Variants in PHF3 observed in about 807,000 individuals in gnomAD.
PHF3 encodes the protein PHD finger protein 3.
Under a neutral mutation model 178.4 loss-of-function variants are expected in PHF3, and 41 were observed. That is an observed-to-expected ratio of 0.23 (90% CI 0.18 to 0.30). PHF3 has a LOEUF of 0.30. PHF3 is among the 10% of genes least tolerant of loss of function. PHF3 has a pLI of 1.00. For missense variants in PHF3, 2,346 were observed against 2,398.1 expected (o/e 0.98, Z 0.45); for synonymous variants, 842 against 800.5 (o/e 1.05, Z -0.88).
In PHF3 at chr6:63,715,877, C is replaced by T. The variant is rs749523079; in HGVS notation, c.*2169C>T. ...CCAAAGCCATTCTCAGTCCCAGGTA[C>T]AACCAGCCTTACACAAACTAGTGAA... On this transcript the variant is annotated 3_prime_UTR_variant, in exon 16 of 16. Coordinates refer to ENST00000262043, the MANE Select transcript of PHF3 (RefSeq NM_001370348.2). Among the ~76,000 whole-genome samples, 10 of 152,122 alleles carry T rather than the reference C, an allele frequency of 6.6e-5. No individual in the cohort carries two copies. Among genetic ancestry groups the T allele is most frequent in the Non-Finnish European group, 1.3e-4 (9 of 68,012 alleles).
intron 2 of PHF3, among the ~76,000 whole-genome samples, chr6:63,665,784 T>A (rs935043169): frequency 1.3e-5 from 2 of 152,180 alleles, no homozygotes; most frequent in African/African-American, 4.8e-5. Flanking sequence ...CTGCTGCACC[T>A]GGCCTAAAAT....
At position 63,724,814 on chromosome 6, in the gene PHF3, G is replaced by A. The variant is rs1456124544; in HGVS notation, c.*11106G>A. Among the ~76,000 whole-genome samples, 2 of 151,996 alleles carry A rather than the reference G, an allele frequency of 1.3e-5. No homozygotes were observed. The highest frequency in any genetic ancestry group is 2.4e-5 in the African/African-American group (1 of 41,386). On this transcript the variant is annotated 3_prime_UTR_variant, in exon 16 of 16. Transcript: ENST00000262043. ...TTTTCAATATGTGAAAACCACATTG[G>A]CTGCTTTTATTAAAATTTTTGGATT...
chr6:63,711,801 G>C lies in PHF3; in HGVS notation c.4213G>C (p.Val1405Leu), dbSNP rs1298526645. ...TGACTTTTTTAATTCTTTTACAACT[G>C]TATTACACAAGCAGAGAAATAAACC... ...ENDFFNSFTT[V>L]LHKQRNKPQQ... The change falls in exon 16 of 16, where the codon GTA becomes CTA. Residue 1405 changes from valine to leucine, a missense_variant. Physicochemically the swap from Val to Leu is conservative, Grantham distance 32 (BLOSUM62 1). Coordinates refer to ENST00000262043, the MANE Select transcript of PHF3 (RefSeq NM_001370348.2). 1 of 1,613,790 alleles carries C rather than the reference G, an allele frequency of 6.2e-7. No homozygotes were observed. Among genetic ancestry groups the C allele is most frequent in the Non-Finnish European group, 8.5e-7 (1 of 1,179,818 alleles).
Position 63,721,565 on chromosome 6 carries a change from A to G in PHF3, c.*7857A>G. The G allele has an allele frequency of 6.4e-7, 1 of 1,551,806 alleles. No homozygotes were observed. Among genetic ancestry groups the G allele is most frequent in the Non-Finnish European group, 8.7e-7 (1 of 1,146,898 alleles). ...GATTTAAAGAAGATACTCCTCCAATATAGAAGTCTGTATTTGTGTCCAGAG... is the reference window on the plus strand; with the variant it reads ...GATTTAAAGAAGATACTCCTCCAATGTAGAAGTCTGTATTTGTGTCCAGAG... On this transcript the variant is annotated 3_prime_UTR_variant, in exon 16 of 16. Coordinates refer to ENST00000262043, the MANE Select transcript of PHF3 (RefSeq NM_001370348.2).
At chr6:63,652,816 C>T (rs1274319913) in intron 2 of PHF3, among the ~76,000 whole-genome samples, 5 of 151,940 alleles carry the variant, frequency 3.3e-5, no homozygotes, top group Non-Finnish European at 7.4e-5. Flanking sequence ...TGTTTTGGTG[C>T]CTTTGTTGAA....
intron 2 of PHF3, among the ~76,000 whole-genome samples, chr6:63,664,475 G>A (rs1186555073): frequency 2.0e-5 from 3 of 152,044 alleles, no homozygotes; most frequent in African/African-American, 7.2e-5. Context: ...GATTGTGTAA[G>A]TTTATATATA....
intron 2 of PHF3, among the ~76,000 whole-genome samples, chr6:63,670,534 A>G (rs904736449): frequency 1.3e-5 from 2 of 151,534 alleles, no homozygotes; most frequent in Non-Finnish European, 2.9e-5. Context: ...GATCCGCCCA[A>G]CTCGGCCTCC....
intron 2 of PHF3, among the ~76,000 whole-genome samples, chr6:63,647,484 A>G (rs969768519): frequency 2.6e-5 from 4 of 152,130 alleles, no homozygotes; most frequent in Admixed American, 2.0e-4. Context: ...CAATTTTTTT[A>G]TGTTGCTTAT....
At chr6:63,640,115 A>C (rs532658773) in intron 1 of PHF3, among the ~76,000 whole-genome samples, 1 of 152,314 alleles carries the variant, frequency 6.6e-6, no homozygotes, top group East Asian at 1.9e-4. Flanking sequence ...TGCTTTCTAT[A>C]ATGATGTCTT....
intron 2 of PHF3, among the ~76,000 whole-genome samples, chr6:63,672,355 T>C (rs1765955446): frequency 1.3e-5 from 2 of 152,176 alleles, no homozygotes; most frequent in South Asian, 4.1e-4. Context: ...TATGTCACCA[T>C]AGATTTTCTA....
chr6:63,711,341 C>T lies in PHF3; in HGVS notation c.3976C>T (p.Leu1326Phe). 6.2e-7 allele frequency: 1 copy of T among 1,609,472 alleles called. No homozygotes were observed. The highest frequency in any genetic ancestry group is 8.5e-7 in the Non-Finnish European group (1 of 1,178,346). ...LGATDKIPHP[L>F]VPFDGPGLEL... ...TGCCACAGATAAAATTCCACACCCT[C>T]TTGTGCCTTTTGATGGACCTGGTAG... Residue 1326 changes from leucine (L) to phenylalanine (F), a missense_variant, in exon 15 of 16, where the codon CTT becomes TTT. By Grantham distance (22) the Leu-to-Phe change is conservative. Around this residue, in one of 8 missense-constraint regions of PHF3, gnomAD observed 90 missense variants for 136.6 expected, o/e 0.66. Transcript: ENST00000262043.
intron 6 of PHF3, among the ~76,000 whole-genome samples, chr6:63,697,115 T>G (rs1582097861): frequency 6.6e-6 from 1 of 152,008 alleles, no homozygotes; most frequent in East Asian, 1.9e-4. Context: ...ATAGTGTAGG[T>G]GTGAAACTCG....
chr6:63,661,831 A>T (rs1291522547), intron 2 of PHF3, among the ~76,000 whole-genome samples: 1 of 152,178 alleles, frequency 6.6e-6, no homozygotes, highest in Non-Finnish European at 1.5e-5. Flanking sequence ...ATGAGATTGC[A>T]TAAATTTAGG....
chr6:63,653,107 G>A (rs1162485620), intron 2 of PHF3, among the ~76,000 whole-genome samples: 1 of 129,820 alleles, frequency 7.7e-6, no homozygotes, highest in African/African-American at 3.0e-5. Flanking sequence ...TAATGTTACT[G>A]GTATTTTGGT....
chr6:63,693,566 G>A (rs1278080452), intron 5 of PHF3, among the ~76,000 whole-genome samples: 1 of 152,206 alleles, frequency 6.6e-6, no homozygotes, highest in Non-Finnish European at 1.5e-5. Context: ...AGCTGGGATT[G>A]TGCCACTTTA....
At position 63,721,308 on chromosome 6, in the gene PHF3, T is replaced by G. The variant is rs761809527; in HGVS notation, c.*7600T>G. 1 of 1,552,006 alleles carries G rather than the reference T, an allele frequency of 6.4e-7. No homozygotes were observed. Among genetic ancestry groups the G allele is most frequent in the Non-Finnish European group, 8.7e-7 (1 of 1,146,998 alleles). On this transcript the variant is annotated 3_prime_UTR_variant, in exon 16 of 16. Transcript: ENST00000262043. ...ACAGGACACAGACTGGTTACATGTA[T>G]TTCCAGCCCAATCTGGCAAACATCT...
chr6:63,662,038 A>C (rs896978724), intron 2 of PHF3, among the ~76,000 whole-genome samples: 10 of 152,136 alleles, frequency 6.6e-5, no homozygotes, highest in African/African-American at 2.4e-4. Flanking sequence ...CGGTGGCATT[A>C]GATTTTCATA....
Position 63,646,643 on chromosome 6 carries a change from G to T in PHF3, c.92G>T (p.Cys31Phe), listed in dbSNP as rs1217231494. 1.2e-6 allele frequency: 2 copies of T among 1,613,888 alleles called. No individual in the cohort carries two copies. ...GGATCCAACCTGGAGAATGAAGTCT[G>T]TGAGGATTTTAGTGCAAGTCAAAAT... ...FLGSNLENEV[C>F]EDFSASQNVL... Residue 31 changes from cysteine to phenylalanine, a missense_variant, in exon 2 of 16, where the codon TGT becomes TTT. Cys to Phe is a radical substitution (Grantham distance 205). This residue lies in a region of PHF3 where 843 missense variants were observed against 795.2 expected (regional missense o/e 1.06). Transcript: ENST00000262043.
At chr6:63,674,494 A>G (rs1255419984) in intron 2 of PHF3, among the ~76,000 whole-genome samples, 1 of 151,886 alleles carries the variant, frequency 6.6e-6, no homozygotes, top group East Asian at 1.9e-4. Flanking sequence ...AGTTAATTGT[A>G]TGTAACATAC....
Sources: allele counts gnomAD v4.1 joint callset (sites outside exome capture counted in the v4.1 genomes callset), GRCh38; gene constraint gnomAD v4.1.1; regional missense constraint gnomAD v4.1.1; transcripts MANE v1.5; gene names NCBI Gene and HGNC (gene_info 2026-07-23, HGNC 2026-07-21).